Variants in FKBP1B observed in about 807,000 individuals in gnomAD.
FKBP1B encodes the protein FKBP prolyl isomerase 1B, also known as peptidyl-prolyl cis-trans isomerase FKBP1B.
FKBP1B carries 4 observed loss-of-function variants against 13.5 expected under a neutral mutation model. That is an observed-to-expected ratio of 0.30 (90% CI 0.15 to 0.68). The LOEUF is 0.68. Among genes scored for constraint, FKBP1B ranks in the 30% least tolerant of loss-of-function variants. The probability of loss-of-function intolerance (pLI) is 0.76; values close to 1 mark genes in which losing one functional copy is unlikely to be tolerated. For missense variants in FKBP1B, 93 were observed against 136.2 expected, an observed-to-expected ratio of 0.68 and a Z score of 1.58; for synonymous variants, 54 against 53.6, an observed-to-expected ratio of 1.01 and a Z score of -0.03.
chr2:24,043,185 A>G, the FKBP1B span, among the ~76,000 whole-genome samples: 1 of 152,108 alleles, frequency 6.6e-6, no homozygotes. Context: ...AATACAAAAA[A>G]ATTAGCCAGG....
the FKBP1B span, among the ~76,000 whole-genome samples, chr2:24,039,947 G>A: frequency 6.6e-6 from 1 of 152,022 alleles, no homozygotes; most frequent in African/African-American, 2.4e-5. Flanking sequence ...ACAGGTGCCT[G>A]CCACCAGGCC....
chr2:24,055,438 G>A (rs1664083954), intron 2 of FKBP1B, among the ~76,000 whole-genome samples: 1 of 152,100 alleles, frequency 6.6e-6, no homozygotes, highest in Non-Finnish European at 1.5e-5. Context: ...TCGAACGCCT[G>A]TATGCAAGTG....
chr2:24,055,220 T>A (rs548249385), intron 2 of FKBP1B, among the ~76,000 whole-genome samples: 142 of 150,656 alleles, frequency 9.4e-4, no homozygotes, highest in African/African-American at 3.3e-3. Flanking sequence ...TTGTCATTGT[T>A]GTTGTTGTTT....
At chr2:24,059,376 G>GAGGC (rs1333485089) in intron 2 of FKBP1B, among the ~76,000 whole-genome samples, 1 of 151,702 alleles carries the variant, frequency 6.6e-6, no homozygotes, top group Admixed American at 6.6e-5. Context: ...AGCACCTGGG[G>GAGGC]GGGGGTTCTG....
chr2:24,055,900 G>A (rs1180805671), intron 2 of FKBP1B, among the ~76,000 whole-genome samples: 1 of 152,172 alleles, frequency 6.6e-6, no homozygotes, highest in Non-Finnish European at 1.5e-5. Context: ...TTCCAAAGTC[G>A]TTGTGCCAGT....
intron 1 of FKBP1B, 34 bp downstream of exon 1, chr2:24,049,920 G>T: frequency 7.2e-7 from 1 of 1,382,404 alleles, no homozygotes; most frequent in Non-Finnish European, 9.4e-7. Context: ...GGGGAGGGGA[G>T]GGGTCCCGGG....
chr2:24,037,551 A>G, the FKBP1B span: 1 of 1,119,318 alleles, frequency 8.9e-7, no homozygotes, highest in Non-Finnish European at 1.3e-6. Flanking sequence ...CTTGCCTGTA[A>G]CATAACATGC....
At chr2:24,041,539 G>A in the FKBP1B span, among the ~76,000 whole-genome samples, 1 of 152,026 alleles carries the variant, frequency 6.6e-6, no homozygotes, top group East Asian at 1.9e-4. Context: ...GGGTAGCCAG[G>A]CATGGTGGCT....
rs756542236 is a variant in FKBP1B at position 24,063,122 on chromosome 2, C to T, written c.257C>T (p.Thr86Met). The change falls in exon 4 of 4, where the codon ACG becomes ATG. Residue 86 changes from threonine to methionine, a missense_variant. Coordinates refer to ENST00000380986, the MANE Select transcript of FKBP1B (RefSeq NM_004116.5). ...TCTPDVAYGA[T>M]GHPGVIPPNA... ...ACCCCTGATGTGGCATATGGAGCCA[C>T]GGGCCACCCCGGTGTCATCCCTCCC... 6.2e-6 allele frequency: 10 copies of T among 1,613,702 alleles called. No individual in the cohort carries two copies. The highest frequency in any genetic ancestry group is 5.3e-5 in the African/African-American group (4 of 74,946).
At chr2:24,060,313 G>A (rs1403708783) in intron 2 of FKBP1B, among the ~76,000 whole-genome samples, 1 of 152,176 alleles carries the variant, frequency 6.6e-6, no homozygotes, top group Non-Finnish European at 1.5e-5. Flanking sequence ...CACTTTGGGA[G>A]GCCAAGGTGG....
At chr2:24,039,344 A>G in the FKBP1B span, 1 of 1,614,232 alleles carries the variant, frequency 6.2e-7, no homozygotes, top group African/African-American at 1.3e-5. Context: ...ATGACTTTGG[A>G]GTCCCCAAAC....
intron 2 of FKBP1B, chr2:24,054,598 T>A (rs1664035804): frequency 5.9e-6 from 1 of 169,478 alleles, no homozygotes; most frequent in African/African-American, 2.4e-5. Context: ...GACAGCCACT[T>A]AGCAGACAGC....
Position 24,053,752 on chromosome 2 carries a change from G to A in FKBP1B, c.38-150G>A, listed in dbSNP as rs763182025. 422 of 752,414 alleles carry A rather than the reference G, an allele frequency of 5.6e-4. 2 individuals are homozygous for A. Among genetic ancestry groups the A allele is most frequent in the Middle Eastern group, 3.5e-3 (14 of 3,944 alleles). 46.6% of individuals were successfully genotyped at this position (752,414 alleles called of 1,614,324 possible). ...GAGGTGACGTGATTCATTCTGGCTC[G>A]TACAGGGCCCAGAGCCAGAACTAGG... On this transcript the variant is annotated intron_variant, in intron 1 of 3. Transcript: ENST00000380986.
chr2:24,063,477 G>C lies in FKBP1B; in HGVS notation c.*285G>C. On this transcript the variant is annotated 3_prime_UTR_variant, in exon 4 of 4. Transcript: ENST00000380986. ...CCTGATGACAGAACACAGATCTCTT[G>C]TTCGCACAATCTACACTGCCTTACC... The C allele has an allele frequency of 2.9e-6, 1 of 339,040 alleles. No individual in the cohort carries two copies. Among genetic ancestry groups the C allele is most frequent in the Admixed American group, 4.8e-5 (1 of 21,020 alleles). The allele number at this position is 339,040 out of a possible 1,614,324, so 21.0% of individuals were successfully genotyped here.
At chr2:24,039,141 G>A in the FKBP1B span, 1 of 1,614,246 alleles carries the variant, frequency 6.2e-7, no homozygotes, top group South Asian at 1.1e-5. Flanking sequence ...GCCACACACA[G>A]CCCTGGGGAA....
upstream of FKBP1B, chr2:24,047,497 TG>T (rs1663667055): frequency 6.6e-6 from 1 of 152,008 alleles, no homozygotes; most frequent in Non-Finnish European, 1.5e-5. Flanking sequence ...CGCTCCGAGA[TG>T]GCCCCGTCTA....
At chr2:24,040,779 G>A in the FKBP1B span, among the ~76,000 whole-genome samples, 1 of 152,350 alleles carries the variant, frequency 6.6e-6, no homozygotes, top group South Asian at 2.1e-4. Context: ...TACTTTGGGA[G>A]GCTGAGACGG....
At chr2:24,058,209 A>G (rs1012885776) in intron 2 of FKBP1B, among the ~76,000 whole-genome samples, 11 of 151,988 alleles carry the variant, frequency 7.2e-5, no homozygotes, top group African/African-American at 2.4e-4. Flanking sequence ...TCAGGAAAAA[A>G]AAAAAAAAAA....
intron 3 of FKBP1B, among the ~76,000 whole-genome samples, chr2:24,062,430 C>T (rs923484274): frequency 6.6e-6 from 1 of 152,128 alleles, no homozygotes; most frequent in African/African-American, 2.4e-5. Flanking sequence ...CCACCTGCCT[C>T]GGCCTCCCAA....
Sources: allele counts gnomAD v4.1 joint callset (sites outside exome capture counted in the v4.1 genomes callset), GRCh38; gene constraint gnomAD v4.1.1; transcripts MANE v1.5; gene names NCBI Gene and HGNC (gene_info 2026-07-23, HGNC 2026-07-21).